Variants in ITPR2 observed in about 807,000 individuals in gnomAD.
ITPR2 encodes inositol 1,4,5-trisphosphate receptor type 2, also known as inositol 1,4,5-trisphosphate-gated calcium channel ITPR2.
In ITPR2, 207 loss-of-function variants were observed where a neutral mutation model predicts 317.1. The ratio of observed to expected loss-of-function variants is 0.65; its 90% CI spans 0.58 to 0.73. The LOEUF (loss-of-function observed/expected upper bound fraction) is 0.73. Ranked by LOEUF, ITPR2 falls within the 30% of genes least tolerant of loss-of-function variation. The pLI is 0.00. For missense variants in ITPR2, 2,613 were observed against 3,284.0 expected, an observed-to-expected ratio of 0.80 and a Z score of 4.99; for synonymous variants, 1,156 against 1,149.1, an observed-to-expected ratio of 1.01 and a Z score of -0.12.
intron 37 of ITPR2, among the ~76,000 whole-genome samples, chr12:26,534,303 T>C (rs76622581): frequency 6.6e-6 from 1 of 152,232 alleles, no homozygotes; most frequent in South Asian, 2.1e-4. Context: ...GTGAATTTCA[T>C]TTTGCTTTCA....
At chr12:26,768,395 C>A (rs1949763808) in intron 2 of ITPR2, among the ~76,000 whole-genome samples, 1 of 139,390 alleles carries the variant, frequency 7.2e-6, no homozygotes. Flanking sequence ...GCACATGTAC[C>A]CTAAAACTTA....
intron 5 of ITPR2, among the ~76,000 whole-genome samples, chr12:26,721,107 A>C (rs1948830672): frequency 6.6e-6 from 1 of 152,192 alleles, no homozygotes; most frequent in Admixed American, 6.6e-5. Context: ...CAGTCCCTGA[A>C]CAATTGAGAG....
chr12:26,388,265 G>A (rs572068717), intron 54 of ITPR2, among the ~76,000 whole-genome samples: 5 of 152,242 alleles, frequency 3.3e-5, no homozygotes, highest in Admixed American at 3.3e-4. Flanking sequence ...TTAGAGAATA[G>A]ATGAAAAGAA....
At chr12:26,742,640 C>T (rs1341122046) in intron 2 of ITPR2, among the ~76,000 whole-genome samples, 3 of 151,930 alleles carry the variant, frequency 2.0e-5, no homozygotes, top group African/African-American at 7.3e-5. Context: ...CATGGTGAAA[C>T]CCTGTCTTAC....
intron 10 of ITPR2, among the ~76,000 whole-genome samples, chr12:26,686,884 A>G (rs1948137801): frequency 6.6e-6 from 1 of 152,174 alleles, no homozygotes; most frequent in Non-Finnish European, 1.5e-5. Context: ...AACGGTACCA[A>G]TAGTTATGGA....
intron 2 of ITPR2, among the ~76,000 whole-genome samples, chr12:26,727,304 A>G (rs923525598): frequency 2.0e-5 from 3 of 152,218 alleles, no homozygotes; most frequent in Non-Finnish European, 2.9e-5. Flanking sequence ...TGACTATCCT[A>G]TATTAGGCAA....
At chr12:26,729,439 A>C (rs1173234935) in intron 2 of ITPR2, among the ~76,000 whole-genome samples, 3 of 152,148 alleles carry the variant, frequency 2.0e-5, no homozygotes, top group African/African-American at 7.2e-5. Flanking sequence ...CAGACCCAGC[A>C]ATTTCATTAC....
In ITPR2 at chr12:26,809,717, T is replaced by A. The variant is rs141963815; in HGVS notation, c.93-19490A>T. ...GTAGTTTAGCAGCTGTTCTTACGGC[T>A]TGATGGCCTTGCTAATCTGATGATT... On this transcript the variant is annotated intron_variant, in intron 1 of 56. Coordinates refer to ENST00000381340, the MANE Select transcript of ITPR2 (RefSeq NM_002223.4). 1.3e-4 allele frequency among the ~76,000 whole-genome samples: 20 copies of A among 152,350 alleles called. 1 individual carries two copies. The highest frequency in any genetic ancestry group is 3.8e-4 in the African/African-American group (16 of 41,580).
chr12:26,449,675 G>C (rs1340596602), intron 45 of ITPR2, among the ~76,000 whole-genome samples: 1 of 152,106 alleles, frequency 6.6e-6, no homozygotes, highest in African/African-American at 2.4e-5. Flanking sequence ...AGGTAGAAAG[G>C]AGGAAGAAAG....
At chr12:26,456,586 C>G (rs1465882808) in intron 45 of ITPR2, among the ~76,000 whole-genome samples, 3 of 152,336 alleles carry the variant, frequency 2.0e-5, no homozygotes, top group African/African-American at 4.8e-5. Flanking sequence ...CTTGCTTCCA[C>G]TTTACTCTAT....
Position 26,624,348 on chromosome 12 carries a change from G to C in ITPR2, c.3073C>G (p.Pro1025Ala). 6.2e-7 allele frequency: 1 copy of C among 1,607,666 alleles called. No individual in the cohort carries two copies. Among genetic ancestry groups the C allele is most frequent in the Non-Finnish European group, 8.5e-7 (1 of 1,175,688 alleles). The change falls in exon 24 of 57, where the codon CCT (proline) becomes GCT (alanine). Residue 1025 changes from proline (P) to alanine (A), a missense_variant. By Grantham distance (27) the Pro-to-Ala change is conservative (BLOSUM62 -1). Coordinates refer to ENST00000381340, the MANE Select transcript of ITPR2 (RefSeq NM_002223.4). ...TGAGCTGCAATTTCATCTATATCAG[G>C]AACAATAGCTGCAAAGATAAATGGT... ...PDTLLPSAIV[P>A]DIDEIAAQAE... is the part of the protein sequence containing the mutation.
chr12:26,608,124 AAAAT>A (rs1231869167), intron 26 of ITPR2, among the ~76,000 whole-genome samples: 6 of 152,088 alleles, frequency 3.9e-5, no homozygotes, highest in Admixed American at 2.0e-4. Flanking sequence ...CTGTTTCAAA[AAAAT>A]AAATAAATAA....
intron 18 of ITPR2, among the ~76,000 whole-genome samples, chr12:26,656,789 G>A (rs1428190205): frequency 6.6e-6 from 1 of 152,154 alleles, no homozygotes; most frequent in East Asian, 1.9e-4. Context: ...GTGTCTGCTG[G>A]AGAGTGTCAC....
chr12:26,504,408 T>C, intron 37 of ITPR2, among the ~76,000 whole-genome samples: 1 of 152,152 alleles, frequency 6.6e-6, no homozygotes, highest in Admixed American at 6.5e-5. Flanking sequence ...AAAGAGTGTT[T>C]ATAAATCATT....
At chr12:26,500,191 C>G (rs182220500) in intron 37 of ITPR2, among the ~76,000 whole-genome samples, 1 of 152,282 alleles carries the variant, frequency 6.6e-6, no homozygotes, top group African/African-American at 2.4e-5. Context: ...ACTATCTGTG[C>G]AGTGGTGGTA....
chr12:26,474,722 A>C (rs1290100146), intron 45 of ITPR2, among the ~76,000 whole-genome samples: 2 of 127,054 alleles, frequency 1.6e-5, no homozygotes, highest in African/African-American at 5.9e-5. Flanking sequence ...TGAACCCGGG[A>C]GGCGGAGCTT....
intron 37 of ITPR2, among the ~76,000 whole-genome samples, chr12:26,503,956 G>A (rs1448978027): frequency 6.6e-6 from 1 of 152,158 alleles, no homozygotes; most frequent in Non-Finnish European, 1.5e-5. Context: ...AATTTTTCAA[G>A]AGAAGGCAAA....
At chr12:26,486,550 A>G (rs556212760) in intron 40 of ITPR2, among the ~76,000 whole-genome samples, 190 bp from the exon 41 acceptor site, 10 of 152,332 alleles carry the variant, frequency 6.6e-5, no homozygotes, top group African/African-American at 1.7e-4. Context: ...CATAAAAAAG[A>G]TCTCAATGCT....
At chr12:26,559,366 T>C in intron 35 of ITPR2, among the ~76,000 whole-genome samples, 1 of 152,236 alleles carries the variant, frequency 6.6e-6, no homozygotes, top group East Asian at 1.9e-4. Flanking sequence ...TTATTTCTCA[T>C]AGTTCTGGAG....
Sources: gnomAD v4.1 joint callset for allele counts (sites outside exome capture counted in the v4.1 genomes callset) on GRCh38, gnomAD v4.1.1 for gene constraint, MANE v1.5 for transcripts, NCBI Gene and HGNC (gene_info 2026-07-23, HGNC 2026-07-21) for gene names.